Variants in TAFA4 observed in about 807,000 individuals in gnomAD.
The protein encoded by TAFA4 is chemokine-like protein TAFA-4.
Under a neutral mutation model 21.1 loss-of-function variants are expected in TAFA4, and 20 were observed. The observed-to-expected ratio is 0.95, with a 90% CI of 0.67 to 1.38. The LOEUF (loss-of-function observed/expected upper bound fraction) is 1.38, where lower values mean the gene tolerates loss of function less well. TAFA4 is among the 40% of genes most tolerant of loss of function. The pLI, the probability that TAFA4 is intolerant of heterozygous loss-of-function variation, is 0.00. For missense variants in TAFA4, 211 were observed against 180.9 expected (o/e 1.17, Z -0.95); for synonymous variants, 71 against 67.4 (o/e 1.05, Z -0.26).
At chr3:68,839,579 G>A (rs6806153) in intron 3 of TAFA4, among the ~76,000 whole-genome samples, 47,099 of 152,024 alleles carry the variant, frequency 0.31, 7,715 homozygotes, top group Non-Finnish European at 0.37. Context: ...ACTAACACCC[G>A]GATGCAATTC....
At chr3:68,794,254 T>A (rs1703415728) in intron 3 of TAFA4, among the ~76,000 whole-genome samples, 1 of 152,174 alleles carries the variant, frequency 6.6e-6, no homozygotes, top group Non-Finnish European at 1.5e-5. Context: ...TTTTTTCCCC[T>A]CTACTTATCC....
intron 4 of TAFA4, among the ~76,000 whole-genome samples, chr3:68,740,825 T>A (rs1024910804): frequency 6.6e-6 from 1 of 152,222 alleles, no homozygotes; most frequent in African/African-American, 2.4e-5. Flanking sequence ...CTTTTCCATG[T>A]GGTTTAAGTC....
At chr3:68,928,327 C>T (rs9838343) in intron 1 of TAFA4, among the ~76,000 whole-genome samples, 4,192 of 152,258 alleles carry the variant, frequency 0.028, 195 homozygotes, top group African/African-American at 0.095. Context: ...TCGTTATTCA[C>T]AATCATGCCA....
At chr3:68,877,288 G>C (rs980439804) in intron 3 of TAFA4, among the ~76,000 whole-genome samples, 2 of 152,116 alleles carry the variant, frequency 1.3e-5, no homozygotes, top group African/African-American at 4.8e-5. Flanking sequence ...GAACCTGGGA[G>C]GCAGAGGTTG....
chr3:68,794,524 G>T (rs1473005441), intron 3 of TAFA4, among the ~76,000 whole-genome samples: 4 of 152,102 alleles, frequency 2.6e-5, no homozygotes, highest in Non-Finnish European at 5.9e-5. Flanking sequence ...CAGCTGCTCA[G>T]CTCTCCCCTC....
intron 3 of TAFA4, among the ~76,000 whole-genome samples, chr3:68,828,757 T>C (rs1704311942): frequency 6.6e-6 from 1 of 152,218 alleles, no homozygotes; most frequent in Admixed American, 6.5e-5. Flanking sequence ...AAGTTGCTTA[T>C]CAGCTTAAGG....
chr3:68,865,968 T>C (rs2089410754), intron 3 of TAFA4, among the ~76,000 whole-genome samples: 1 of 152,016 alleles, frequency 6.6e-6, no homozygotes, highest in Non-Finnish European at 1.5e-5. Flanking sequence ...ATTTCTACAC[T>C]GGAAAAAAGT....
At chr3:68,829,190 C>T (rs550242755) in intron 3 of TAFA4, among the ~76,000 whole-genome samples, 23 of 152,076 alleles carry the variant, frequency 1.5e-4, no homozygotes, top group Non-Finnish European at 2.8e-4. Context: ...GGTACTAGTA[C>T]CAAAACAGAT....
At chr3:68,788,971 C>T (rs544746389) in intron 3 of TAFA4, among the ~76,000 whole-genome samples, 144 of 152,170 alleles carry the variant, frequency 9.5e-4, no homozygotes, top group African/African-American at 3.2e-3. Flanking sequence ...TGGTGGCTCA[C>T]GCCTGTAATC....
chr3:68,883,413 T>G (rs1486280450), intron 2 of TAFA4, among the ~76,000 whole-genome samples: 1 of 152,234 alleles, frequency 6.6e-6, no homozygotes, highest in Non-Finnish European at 1.5e-5. Flanking sequence ...CCACCCAGGA[T>G]AGTCTCTCTT....
intron 3 of TAFA4, among the ~76,000 whole-genome samples, chr3:68,834,546 C>A (rs1179008842): frequency 6.6e-6 from 1 of 152,134 alleles, no homozygotes; most frequent in Non-Finnish European, 1.5e-5. Context: ...CATCTTATAT[C>A]TTTTTTGACA....
At position 68,918,756 on chromosome 3, in the gene TAFA4, G is replaced by A. The variant is rs528609495; in HGVS notation, c.-123+13484C>T. 2.7e-4 allele frequency among the ~76,000 whole-genome samples: 41 copies of A among 152,190 alleles called. No homozygotes were observed. In the South Asian group the frequency reaches 7.2e-3, roughly 27 times the overall value. On this transcript the variant is annotated intron_variant, in intron 1 of 5. Transcript: ENST00000295569. ...TGGTTTCACCATGTTGCCCAGATTG[G>A]TCTCGAACTTCTGGGCTCAAGAAAT...
intron 1 of TAFA4, among the ~76,000 whole-genome samples, chr3:68,917,753 C>CAAAAAAAAAAAAAAAAAA (rs55853026): frequency 6.9e-5 from 4 of 58,186 alleles, no homozygotes; most frequent in African/African-American, 1.9e-4. Flanking sequence ...GACTCTGTCT[C>CAAAAAAAAAAAAAAAAAA]AAAAAAAAAA....
chr3:68,876,518 A>G (rs1024348649), intron 3 of TAFA4, among the ~76,000 whole-genome samples: 23 of 152,220 alleles, frequency 1.5e-4, no homozygotes, highest in Non-Finnish European at 2.9e-5. Flanking sequence ...TGAAATTACC[A>G]GGTTTATTGT....
chr3:68,911,184 G>C (rs557757360), intron 1 of TAFA4, among the ~76,000 whole-genome samples: 1 of 152,316 alleles, frequency 6.6e-6, no homozygotes, highest in East Asian at 1.9e-4. Context: ...CAAGCCAATC[G>C]ATAAAATGAA....
intron 3 of TAFA4, among the ~76,000 whole-genome samples, chr3:68,876,641 C>T (rs1193422932): frequency 3.9e-5 from 6 of 152,078 alleles, no homozygotes; most frequent in South Asian, 2.1e-4. Flanking sequence ...TTGGATGCAA[C>T]AACTGCTCTT....
chr3:68,753,121 C>T, intron 3 of TAFA4, 103 bp from the exon 4 acceptor site: 1 of 1,007,348 alleles, frequency 9.9e-7, no homozygotes, highest in Non-Finnish European at 1.5e-6. Flanking sequence ...ACTTCCTGTG[C>T]TATGCTTATG....
intron 2 of TAFA4, among the ~76,000 whole-genome samples, chr3:68,884,133 AAATATAT>A (rs1337220368): frequency 4.0e-5 from 6 of 150,198 alleles, no homozygotes; most frequent in African/African-American, 1.3e-4. Flanking sequence ...AGTTTATTTT[AAATATAT>A]GAATTATATG....
chr3:68,811,888 T>C (rs948967603), intron 3 of TAFA4, among the ~76,000 whole-genome samples: 1 of 151,914 alleles, frequency 6.6e-6, no homozygotes, highest in South Asian at 2.1e-4. Context: ...TCACCAAAGT[T>C]GAAATGAAGG....
Sources: allele counts gnomAD v4.1 joint callset (sites outside exome capture counted in the v4.1 genomes callset), GRCh38; gene constraint gnomAD v4.1.1; transcripts MANE v1.5; gene names NCBI Gene and HGNC (gene_info 2026-07-23, HGNC 2026-07-21).